OCA2: variants seen among roughly 807,000 people sequenced by gnomAD.
OCA2 encodes P protein.
In OCA2, 77 loss-of-function variants were observed where a neutral mutation model predicts 100.2. The observed-to-expected ratio is 0.77, with a 90% CI of 0.64 to 0.93. The LOEUF (loss-of-function observed/expected upper bound fraction) is 0.93. Ranked by LOEUF, OCA2 falls within the 40% of genes least tolerant of loss-of-function variation. The pLI, the probability that OCA2 is intolerant of heterozygous loss-of-function variation, is 0.00. For missense variants in OCA2, 1,062 were observed against 1,089.1 expected (o/e 0.98, Z 0.35); for synonymous variants, 432 against 439.2 (o/e 0.98, Z 0.21).
intron 20 of OCA2, 140 bp downstream of exon 20, chr15:27,871,723 A>AGG (rs1225099008): frequency 1.4e-6 from 1 of 699,040 alleles, no homozygotes; most frequent in Non-Finnish European, 2.5e-6. Context: ...TGGGCTGCAC[A>AGG]GGATAGAACA....
the OCA2 span, among the ~76,000 whole-genome samples, chr15:27,744,374 C>A: frequency 2.6e-5 from 4 of 152,240 alleles, no homozygotes; most frequent in Non-Finnish European, 5.9e-5. Context: ...ATGGAGAAAG[C>A]AAGAGGCTGG....
chr15:27,790,747 G>A lies in OCA2; in HGVS notation c.2433-35275C>T, dbSNP rs145244236. On this transcript the variant is annotated intron_variant, in intron 23 of 23. Coordinates refer to ENST00000354638, the MANE Select transcript of OCA2 (RefSeq NM_000275.3). ...CTGATTAAACTATACACCTCAAATG[G>A]TAAAATTTACTATATTCAATTATAC... 1.4e-3 allele frequency among the ~76,000 whole-genome samples: 214 copies of A among 151,718 alleles called. 1 individual carries two copies. The highest frequency in any genetic ancestry group is 5.1e-3 in the African/African-American group (210 of 41,304).
chr15:27,777,284 C>T (rs540863622), intron 23 of OCA2, among the ~76,000 whole-genome samples: 4 of 152,238 alleles, frequency 2.6e-5, no homozygotes, highest in Non-Finnish European at 4.4e-5. Flanking sequence ...ACAGGTTATA[C>T]TTAATAAACG....
chr15:27,789,413 G>A (rs540671953), intron 23 of OCA2, among the ~76,000 whole-genome samples: 8 of 151,964 alleles, frequency 5.3e-5, no homozygotes, highest in South Asian at 2.1e-4. Context: ...TTGTATCTTC[G>A]TTTCAACATT....
intron 18 of OCA2, among the ~76,000 whole-genome samples, chr15:27,938,080 A>G (rs918751860): frequency 6.6e-6 from 1 of 152,240 alleles, no homozygotes; most frequent in East Asian, 1.9e-4. Context: ...TATTGCTGCA[A>G]TAAAGCTACA....
chr15:27,904,814 C>A (rs1179129582), intron 19 of OCA2, among the ~76,000 whole-genome samples: 4 of 152,204 alleles, frequency 2.6e-5, no homozygotes, highest in East Asian at 1.9e-4. Context: ...TGGACCTGGC[C>A]TGTGGCCACC....
chr15:27,890,095 AAAG>A (rs1490628980), intron 19 of OCA2, among the ~76,000 whole-genome samples: 1 of 152,246 alleles, frequency 6.6e-6, no homozygotes, highest in African/African-American at 2.4e-5. Context: ...ATAATAAAGA[AAAG>A]AATCAGTGAA....
intron 18 of OCA2, among the ~76,000 whole-genome samples, chr15:27,948,196 G>A (rs933427989): frequency 2.6e-5 from 4 of 152,228 alleles, no homozygotes; most frequent in Middle Eastern, 3.4e-3. Context: ...AAGGTGCTGC[G>A]GAACTCCAGG....
intron 14 of OCA2, among the ~76,000 whole-genome samples, chr15:27,968,517 A>C (rs145143600): frequency 0.011 from 1,722 of 152,322 alleles, 40 homozygotes; most frequent in African/African-American, 0.039. Flanking sequence ...AGTGATTTAA[A>C]CTATATTAAT....
intron 9 of OCA2, among the ~76,000 whole-genome samples, chr15:28,005,399 T>A (rs1004787072): frequency 4.6e-5 from 7 of 152,270 alleles, no homozygotes; most frequent in Admixed American, 3.3e-4. Flanking sequence ...CCCGGGCTGC[T>A]GTCACCAAAC....
intron 19 of OCA2, among the ~76,000 whole-genome samples, chr15:27,921,002 T>A (rs915471032): frequency 6.7e-6 from 1 of 148,478 alleles, no homozygotes; most frequent in African/African-American, 2.4e-5. Context: ...ATAATTTTTT[T>A]TAAAAAAAGA....
the OCA2 span, among the ~76,000 whole-genome samples, chr15:27,730,277 T>C: frequency 6.6e-6 from 1 of 152,062 alleles, no homozygotes; most frequent in Non-Finnish European, 1.5e-5. Flanking sequence ...AAGGGATGCA[T>C]AGTGTAAGGT....
chr15:27,941,629 C>A (rs915720932), intron 18 of OCA2, among the ~76,000 whole-genome samples: 2 of 152,220 alleles, frequency 1.3e-5, no homozygotes, highest in African/African-American at 4.8e-5. Flanking sequence ...TCATGACCAA[C>A]CCTATGAAAT....
rs150456863 is a variant in OCA2 at position 27,800,081 on chromosome 15, T to A, written c.2433-44609A>T. Among the ~76,000 whole-genome samples the A allele has an allele frequency of 3.9e-3, 595 of 152,310 alleles. 4 individuals are homozygous for A. Among genetic ancestry groups the A allele is most frequent in the African/African-American group, 0.014 (575 of 41,578 alleles). ...GGACAATGCCCAAATATTTGGAAAGTAAATAATGCATTTCTAAATAACCTG... is the reference window on the plus strand; with the variant it reads ...GGACAATGCCCAAATATTTGGAAAGAAAATAATGCATTTCTAAATAACCTG... On this transcript the variant is annotated intron_variant, in intron 23 of 23. Coordinates refer to ENST00000354638, the MANE Select transcript of OCA2 (RefSeq NM_000275.3).
intron 7 of OCA2, among the ~76,000 whole-genome samples, chr15:28,016,772 C>A (rs1232467970): frequency 6.6e-6 from 1 of 152,102 alleles, no homozygotes; most frequent in Non-Finnish European, 1.5e-5. Flanking sequence ...CAGAGTGAGA[C>A]CCCCGACTCT....
At chr15:28,004,555 C>T (rs1037920505) in intron 9 of OCA2, among the ~76,000 whole-genome samples, 1 of 152,088 alleles carries the variant, frequency 6.6e-6, no homozygotes, top group African/African-American at 2.4e-5. Context: ...CTCACATGCC[C>T]ACACACTAAC....
intron 19 of OCA2, among the ~76,000 whole-genome samples, chr15:27,882,803 C>G (rs1176479558): frequency 6.6e-6 from 1 of 152,196 alleles, no homozygotes; most frequent in Non-Finnish European, 1.5e-5. Context: ...GCCTGTATCA[C>G]ACGTGTATCA....
intron 23 of OCA2, among the ~76,000 whole-genome samples, chr15:27,760,175 G>T (rs1342148267): frequency 2.6e-5 from 4 of 151,432 alleles, no homozygotes; most frequent in Admixed American, 2.6e-4. Flanking sequence ...ATTGTCACAA[G>T]GAAAGTAAAA....
At chr15:28,081,924 C>T (rs939637926) in intron 1 of OCA2, 29 bp from the exon 2 acceptor site, 2 of 1,543,726 alleles carry the variant, frequency 1.3e-6, no homozygotes, top group Non-Finnish European at 1.8e-6. Flanking sequence ...AACCACTCTT[C>T]ATGAAAGGCA....
Sources: gnomAD v4.1 joint callset for allele counts (sites outside exome capture counted in the v4.1 genomes callset) on GRCh38, gnomAD v4.1.1 for gene constraint, MANE v1.5 for transcripts, NCBI Gene and HGNC (gene_info 2026-07-23, HGNC 2026-07-21) for gene names.